Variants in COL28A1 observed in about 807,000 individuals in gnomAD.
COL28A1 encodes the protein collagen alpha-1(XXVIII) chain.
COL28A1 carries 161 observed loss-of-function variants against 150.2 expected under a neutral mutation model. That is an observed-to-expected ratio of 1.07 (90% confidence interval 0.94 to 1.22). The LOEUF (loss-of-function observed/expected upper bound fraction) is 1.22. Among genes scored for constraint, COL28A1 ranks in the 50% most tolerant of loss-of-function variants. The pLI is 0.00. For missense variants in COL28A1, 1,617 were observed against 1,388.3 expected (o/e 1.16, Z -2.62); for synonymous variants, 552 against 469.7 (o/e 1.18, Z -2.26).
Position 7,515,648 on chromosome 7 carries a change from C to T in COL28A1, c.882+166G>A, listed in dbSNP as rs187650921. Among the ~76,000 whole-genome samples the T allele has an allele frequency of 3.2e-4, 48 of 152,322 alleles. 2 individuals are homozygous for T. The highest frequency in any genetic ancestry group is 5.7e-4 in the Non-Finnish European group (39 of 68,032). On this transcript the variant is annotated intron_variant, in intron 8 of 34. Coordinates refer to ENST00000399429, the MANE Select transcript of COL28A1 (RefSeq NM_001037763.3). ...ATGGTACCCTCCATCCCTTACAACA[C>T]ACATCCATATGTTAAGTTCTATTAT...
chr7:7,490,520 C>T, intron 12 of COL28A1, 58 bp downstream of exon 12: 1 of 821,698 alleles, frequency 1.2e-6, no homozygotes. Flanking sequence ...TCATGGCTCC[C>T]CCAGGCCCTA....
chr7:7,373,543 C>A lies in COL28A1; in HGVS notation c.2363G>T (p.Cys788Phe), dbSNP rs376738036. ...TGGAGTCTCTTTGCATTTGGGCCCA[C>A]AACCTAAAAGATGAATGTTGAGAGA... Reference protein sequence around the residue: ...IIKLITEICGCGPKCKETPLE... With the variant: ...IIKLITEICGFGPKCKETPLE... Residue 788 changes from cysteine to phenylalanine, a missense_variant, in exon 32 of 35, where the codon TGT becomes TTT. Physicochemically the swap from Cys to Phe is radical, Grantham distance 205. Transcript: ENST00000399429. The surrounding 1 kb of genome is among the most constrained non-coding windows in gnomAD (Gnocchi z 4.1). The A allele has an allele frequency of 6.2e-7, 1 of 1,606,876 alleles. No individual in the cohort carries two copies. The highest frequency in any genetic ancestry group is 1.3e-5 in the African/African-American group (1 of 74,754).
chr7:7,371,448 C>A (rs1194633761), intron 32 of COL28A1, among the ~76,000 whole-genome samples: 1 of 152,072 alleles, frequency 6.6e-6, no homozygotes, highest in African/African-American at 2.4e-5. Flanking sequence ...TGAGAAATAG[C>A]AAAAAAGTTT....
intron 7 of COL28A1, among the ~76,000 whole-genome samples, chr7:7,516,380 A>G (rs1583550473): frequency 6.6e-6 from 1 of 152,218 alleles, no homozygotes; most frequent in East Asian, 1.9e-4. Flanking sequence ...ATCAGCCCTA[A>G]TGCGACAGTG....
At chr7:7,460,725 G>A (rs1000558270) in intron 15 of COL28A1, among the ~76,000 whole-genome samples, 1 of 152,234 alleles carries the variant, frequency 6.6e-6, no homozygotes, top group Non-Finnish European at 1.5e-5. Context: ...AAGAAGAAAT[G>A]TCTTTCGATA....
rs1048791011 is a variant in COL28A1 at position 7,524,123 on chromosome 7, G to A, written c.702+106C>T. On this transcript the variant is annotated intron_variant, in intron 4 of 34. Coordinates refer to ENST00000399429, the MANE Select transcript of COL28A1 (RefSeq NM_001037763.3). The stretch of plus-strand genomic sequence containing the variant: ...GAGTGGCTCATTTTAAAAGAACTAA[G>A]CATTTTTATTTAGTCACACTTAATC... 16 of 757,612 alleles carry A rather than the reference G, an allele frequency of 2.1e-5. No homozygotes were observed. In the African/African-American group the frequency reaches 2.2e-4, roughly 11 times the overall value. The allele number at this position is 757,612 out of a possible 1,614,324, so 46.9% of individuals were successfully genotyped here. A position where few individuals can be genotyped will look rare whatever the true frequency, so the allele number is the denominator to read the frequency against.
chr7:7,370,952 G>T, intron 32 of COL28A1, 70 bp from the exon 33 acceptor site: 1 of 1,018,522 alleles, frequency 9.8e-7, no homozygotes, highest in Non-Finnish European at 1.5e-6. Flanking sequence ...CATTTAAAAA[G>T]ATCTGCACTC....
At position 7,524,102 on chromosome 7, in the gene COL28A1, G is replaced by A. The variant is rs1482367006; in HGVS notation, c.702+127C>T. ...TCAGATGGCTGCCTCAGAATAGAGTGGCTCATTTTAAAAGAACTAAGCATT... is the reference window on the plus strand; with the variant it reads ...TCAGATGGCTGCCTCAGAATAGAGTAGCTCATTTTAAAAGAACTAAGCATT... On this transcript the variant is annotated intron_variant, in intron 4 of 34. Coordinates refer to ENST00000399429, the MANE Select transcript of COL28A1 (RefSeq NM_001037763.3). The A allele has an allele frequency of 7.2e-6, 5 of 695,234 alleles. No individual in the cohort carries two copies. In the Admixed American group the frequency reaches 8.6e-5, roughly 12 times the overall value. 43.1% of individuals were successfully genotyped at this position (695,234 alleles called of 1,614,324 possible).
chr7:7,440,921 T>G, intron 20 of COL28A1, 60 bp from the exon 21 acceptor site: 1 of 830,230 alleles, frequency 1.2e-6, no homozygotes, highest in South Asian at 1.4e-5. Flanking sequence ...TCCCCTAATC[T>G]AGCAAGGACC....
downstream of COL28A1, chr7:7,356,396 C>CA (rs375800453): frequency 2.0e-5 from 3 of 152,128 alleles, no homozygotes; most frequent in African/African-American, 7.2e-5. Flanking sequence ...CGGGAAGCTG[C>CA]AATAGAATTT....
chr7:7,445,504 T>C (rs1008370496), intron 18 of COL28A1, among the ~76,000 whole-genome samples: 18 of 152,220 alleles, frequency 1.2e-4, no homozygotes, highest in Non-Finnish European at 7.3e-5. Flanking sequence ...CCTAGTACTT[T>C]CTTACATCAG....
rs1786088585 is a variant in COL28A1, at chr7:7,444,429, C to A, written c.1570G>T (p.Ala524Ser). 7 of 1,614,024 alleles carry A rather than the reference C, an allele frequency of 4.3e-6. No individual in the cohort carries two copies. Among genetic ancestry groups the A allele is most frequent in the Non-Finnish European group, 5.1e-6 (6 of 1,179,966 alleles). ...AAACTTGGTGTTACCTTCTTCCCTG[C>A]AGCTCCATCTTCTCCTGGTACTCCT... ...QPGVPGEDGA[A>S]GKKGEAGLPG... is the part of the protein sequence containing the mutation. The change falls in exon 19 of 35, where the codon GCA (alanine) becomes TCA (serine). Residue 524 changes from alanine to serine, a missense_variant. Coordinates refer to ENST00000399429, the MANE Select transcript of COL28A1 (RefSeq NM_001037763.3).
chr7:7,455,004 G>A (rs1044071357), intron 16 of COL28A1, among the ~76,000 whole-genome samples: 2 of 152,050 alleles, frequency 1.3e-5, no homozygotes, highest in Non-Finnish European at 2.9e-5. Context: ...CTGTTGTTTG[G>A]ACTAGCAAGA....
chr7:7,377,343 G>C (rs967123533), intron 30 of COL28A1, among the ~76,000 whole-genome samples: 29 of 152,064 alleles, frequency 1.9e-4, no homozygotes, highest in African/African-American at 6.5e-4. Flanking sequence ...AATGATGAAG[G>C]CATCATATTT....
At chr7:7,442,576 C>T (rs546738883) in intron 20 of COL28A1, among the ~76,000 whole-genome samples, 108 of 152,160 alleles carry the variant, frequency 7.1e-4, no homozygotes, top group African/African-American at 2.5e-3. Context: ...TTCATGTCCT[C>T]ACATTTAAGA....
At chr7:7,534,724 C>G (rs1782551713) in intron 1 of COL28A1, among the ~76,000 whole-genome samples, 1 of 152,110 alleles carries the variant, frequency 6.6e-6, no homozygotes. Context: ...TTACTGTTTT[C>G]TTGGCATATA....
chr7:7,456,110 C>G lies in COL28A1; in HGVS notation c.1305G>C (p.Gly435=), dbSNP rs771909331. 3 of 1,611,520 alleles carry G rather than the reference C, an allele frequency of 1.9e-6. No homozygotes were observed. The African/African-American group carries it at 4.0e-5, about 22-fold the overall frequency. The change falls in exon 16 of 35, where the codon GGG becomes GGC. Residue 435 remains glycine, a splice_region_variant and synonymous_variant. Coordinates refer to ENST00000399429, the MANE Select transcript of COL28A1 (RefSeq NM_001037763.3). ...CTTGGGGTCCCACAGGTCCTATATCCCCCTGCACAGAAAATAAGCCAGGAA... is the reference window on the plus strand; with the variant it reads ...CTTGGGGTCCCACAGGTCCTATATCGCCCTGCACAGAAAATAAGCCAGGAA... The part of the protein sequence containing the change: ...LQGLSIKGEK[G]DIGPVGPQGP...
At chr7:7,489,280 A>T in intron 13 of COL28A1, 109 bp downstream of exon 13, 1 of 716,090 alleles carries the variant, frequency 1.4e-6, no homozygotes, top group Non-Finnish European at 2.5e-6. Flanking sequence ...AAAAATAAAT[A>T]AATAAAATAG....
At chr7:7,478,682 C>G (rs1192518462) in intron 13 of COL28A1, among the ~76,000 whole-genome samples, 1 of 152,248 alleles carries the variant, frequency 6.6e-6, no homozygotes, top group East Asian at 1.9e-4. Context: ...GTCCCAAGCC[C>G]TGCCCCGCGG....
Sources: gnomAD v4.1 joint callset for allele counts (sites outside exome capture counted in the v4.1 genomes callset) on GRCh38, gnomAD v4.1.1 for gene constraint, Gnocchi (gnomAD v3.1) non-coding constraint, MANE v1.5 for transcripts, NCBI Gene and HGNC (gene_info 2026-07-23, HGNC 2026-07-21) for gene names.